The following ARHGAP10 variants were observed in gnomAD, a reference collection of about 807,000 sequenced individuals.
ARHGAP10 encodes rho GTPase-activating protein 10.
ARHGAP10 carries 87 observed loss-of-function variants against 108.6 expected under a neutral mutation model. That is an observed-to-expected ratio of 0.80 (90% CI 0.67 to 0.96). The LOEUF (loss-of-function observed/expected upper bound fraction) is 0.96. Ranked by LOEUF, ARHGAP10 falls within the 40% of genes least tolerant of loss-of-function variation. The pLI is 0.00. For missense variants in ARHGAP10, 939 were observed against 954.5 expected (o/e 0.98, Z 0.21); for synonymous variants, 347 against 341.1 (o/e 1.02, Z -0.19).
intron 20 of ARHGAP10, among the ~76,000 whole-genome samples, chr4:148,060,582 G>A (rs1174871838): frequency 2.0e-5 from 3 of 152,240 alleles, no homozygotes; most frequent in South Asian, 2.1e-4. Flanking sequence ...GGCTGCACAG[G>A]TCTCTTCTTT....
chr4:147,755,564 C>T (rs1469570204), intron 1 of ARHGAP10, among the ~76,000 whole-genome samples: 1 of 152,124 alleles, frequency 6.6e-6, no homozygotes, highest in Non-Finnish European at 1.5e-5. Context: ...TCCATGTTAT[C>T]AAGAAGAAAG....
intron 3 of ARHGAP10, among the ~76,000 whole-genome samples, chr4:147,841,871 A>C (rs190338597): frequency 1.3e-5 from 2 of 152,174 alleles, no homozygotes; most frequent in African/African-American, 4.8e-5. Context: ...AACTACTACT[A>C]TCCTTGTTTT....
At chr4:147,972,072 T>C (rs1030125437) in intron 18 of ARHGAP10, among the ~76,000 whole-genome samples, 6 of 152,072 alleles carry the variant, frequency 3.9e-5, no homozygotes. Context: ...GTAAGATGAG[T>C]TCAGTTTGTC....
At chr4:148,029,016 AGT>A (rs1728009811) in intron 19 of ARHGAP10, among the ~76,000 whole-genome samples, 1 of 152,172 alleles carries the variant, frequency 6.6e-6, no homozygotes. Context: ...CCATTTTGTT[AGT>A]GTGTTCAATA....
chr4:148,019,402 G>C (rs76464399), intron 18 of ARHGAP10, among the ~76,000 whole-genome samples: 2,517 of 152,262 alleles, frequency 0.017, 81 homozygotes, highest in African/African-American at 0.057. Flanking sequence ...CTGTAGTACA[G>C]GCATTATGGT....
chr4:147,750,530 A>G (rs1410467623), intron 1 of ARHGAP10, among the ~76,000 whole-genome samples: 2 of 151,642 alleles, frequency 1.3e-5, no homozygotes, highest in Non-Finnish European at 1.5e-5. Context: ...CACCCAACCT[A>G]TTTGTTTTGT....
chr4:148,061,606 GAAT>G (rs1729622253), intron 20 of ARHGAP10, among the ~76,000 whole-genome samples: 1 of 127,606 alleles, frequency 7.8e-6, no homozygotes, highest in Non-Finnish European at 1.7e-5. Flanking sequence ...GCTCTTAGAA[GAAT>G]AATGTTTTTT....
At chr4:147,971,675 T>C (rs1387134805) in intron 18 of ARHGAP10, among the ~76,000 whole-genome samples, 1 of 152,118 alleles carries the variant, frequency 6.6e-6, no homozygotes. Flanking sequence ...CATGGGCAAA[T>C]GGCAGGAGAT....
At chr4:147,960,992 A>G (rs970170315) in intron 16 of ARHGAP10, among the ~76,000 whole-genome samples, 7 of 152,228 alleles carry the variant, frequency 4.6e-5, no homozygotes, top group African/African-American at 1.4e-4. Context: ...TTGGGCTAAT[A>G]GAACGCTGCT....
At chr4:147,973,636 C>G (rs1346424389) in intron 18 of ARHGAP10, among the ~76,000 whole-genome samples, 6 of 152,130 alleles carry the variant, frequency 3.9e-5, no homozygotes, top group Admixed American at 3.9e-4. Context: ...TTTATTCTAT[C>G]TAACTGTATT....
At chr4:147,882,064 T>A in intron 10 of ARHGAP10, 132 bp downstream of exon 10, 1 of 813,436 alleles carries the variant, frequency 1.2e-6, no homozygotes. Flanking sequence ...CCAGGCTGTG[T>A]GTTCATTATA....
At chr4:147,881,995 T>C in intron 10 of ARHGAP10, 63 bp downstream of exon 10, 2 of 1,478,022 alleles carry the variant, frequency 1.4e-6, no homozygotes, top group East Asian at 2.3e-5. Context: ...TTTAAAAAAA[T>C]AGAGGTTAGT....
chr4:148,033,462 G>A (rs915011080), intron 19 of ARHGAP10, among the ~76,000 whole-genome samples: 1 of 152,176 alleles, frequency 6.6e-6, no homozygotes, highest in Non-Finnish European at 1.5e-5. Context: ...TTAAATATAA[G>A]CATACAAGTA....
At chr4:148,038,123 A>G (rs931126880) in intron 19 of ARHGAP10, among the ~76,000 whole-genome samples, 3 of 152,202 alleles carry the variant, frequency 2.0e-5, no homozygotes, top group Admixed American at 1.3e-4. Context: ...TTGACATGGT[A>G]TAGCAACCCA....
rs114787578 is a variant in ARHGAP10, at chr4:147,954,278, G to A, written c.1392-1038G>A. On this transcript the variant is annotated intron_variant, in intron 15 of 22. Coordinates refer to ENST00000336498, the MANE Select transcript of ARHGAP10 (RefSeq NM_024605.4). ...TGATTTTTCTACTTGTTCTGTTACT[G>A]AAACAGAGAGGTGTTTAACTCTCTG... 6.8e-3 allele frequency among the ~76,000 whole-genome samples: 1,034 copies of A among 152,054 alleles called. 14 individuals are homozygous for A. The highest frequency in any genetic ancestry group is 0.037 in the Admixed American group (563 of 15,266).
At position 147,760,980 on chromosome 4, in the gene ARHGAP10, G is replaced by C. The variant is rs114466769; in HGVS notation, c.154+28525G>C. Reference sequence around the variant, plus strand: ...AGAACTGTAAAAGAGCTGGTTGTAGGTAAAAAGAGGCAGTTTATTTTGTAA... The same window carrying C: ...AGAACTGTAAAAGAGCTGGTTGTAGCTAAAAAGAGGCAGTTTATTTTGTAA... On this transcript the variant is annotated intron_variant, in intron 1 of 22. Transcript: ENST00000336498. Among the ~76,000 whole-genome samples, 594 of 151,756 alleles carry C rather than the reference G, an allele frequency of 3.9e-3. 3 individuals are homozygous for C. Among genetic ancestry groups the C allele is most frequent in the African/African-American group, 0.014 (571 of 41,362 alleles).
chr4:147,854,788 G>A, intron 4 of ARHGAP10: 8 of 985,308 alleles, frequency 8.1e-6, no homozygotes, highest in Non-Finnish European at 9.6e-6. Flanking sequence ...AAACACAGCA[G>A]CATTTGTATA....
At chr4:148,064,561 C>G in intron 22 of ARHGAP10, 54 bp downstream of exon 22, 1 of 1,515,890 alleles carries the variant, frequency 6.6e-7, no homozygotes, top group Non-Finnish European at 9.1e-7. Flanking sequence ...ATTAATAAGT[C>G]TGCAGCATGG....
At chr4:147,783,489 C>A (rs1034631611) in intron 1 of ARHGAP10, among the ~76,000 whole-genome samples, 28 of 146,980 alleles carry the variant, frequency 1.9e-4, no homozygotes, top group African/African-American at 6.4e-4. Flanking sequence ...ATATAGCACA[C>A]ATTAAATTAT....
Sources: gnomAD v4.1 joint callset for allele counts (sites outside exome capture counted in the v4.1 genomes callset) on GRCh38, gnomAD v4.1.1 for gene constraint, MANE v1.5 for transcripts, NCBI Gene and HGNC (gene_info 2026-07-23, HGNC 2026-07-21) for gene names.